Variants in MAST4 observed in about 807,000 individuals in gnomAD.
The protein encoded by MAST4 is microtubule associated serine/threonine kinase family member 4, also known as microtubule-associated serine/threonine-protein kinase 4.
Under a neutral mutation model 162.7 loss-of-function variants are expected in MAST4, and 89 were observed. That is an observed-to-expected ratio of 0.55 (90% CI 0.46 to 0.65). The LOEUF is 0.65. Among genes scored for constraint, MAST4 ranks in the 30% least tolerant of loss-of-function variants. The pLI is 0.00. For missense variants in MAST4, 3,153 were observed against 3,374.0 expected, an observed-to-expected ratio of 0.93 and a Z score of 1.62; for synonymous variants, 1,479 against 1,361.1, an observed-to-expected ratio of 1.09 and a Z score of -1.91.
chr5:67,025,251 T>A (rs912586938), intron 4 of MAST4, among the ~76,000 whole-genome samples: 2 of 152,150 alleles, frequency 1.3e-5, no homozygotes, highest in Non-Finnish European at 2.9e-5. Context: ...GGTTCTTTAT[T>A]AGCACATCAG....
Position 67,145,287 on chromosome 5 carries a change from C to T in MAST4, c.3002C>T (p.Pro1001Leu), listed in dbSNP as rs199663410. 3.8e-4 allele frequency: 613 copies of T among 1,613,880 alleles called. 12 individuals carry two copies. The East Asian group carries it at 0.013, about 35-fold the overall frequency. The stretch of plus-strand genomic sequence containing the variant: ...TGCCCTGGAGACCCCCATGAGGAGC[C>T]AGGAAAGCCAGCCCTTCCTCCTGAA... ...ASCPGDPHEE[P>L]GKPALPPEEC... is the part of the protein sequence containing the mutation. Residue 1001 changes from proline to leucine, a missense_variant, in exon 23 of 29, where the codon CCA (proline) becomes CTA (leucine). Physicochemically the swap from Pro to Leu is moderately conservative, Grantham distance 98. Transcript: ENST00000403625.
chr5:66,765,720 A>G (rs1754064305), intron 2 of MAST4, among the ~76,000 whole-genome samples: 1 of 152,226 alleles, frequency 6.6e-6, no homozygotes. Context: ...ACAGAACAGT[A>G]TAATGAAAAA....
At chr5:67,025,846 G>A (rs965461549) in intron 4 of MAST4, among the ~76,000 whole-genome samples, 2 of 152,264 alleles carry the variant, frequency 1.3e-5, no homozygotes, top group Admixed American at 6.5e-5. Context: ...CCGGACATGT[G>A]GAAATGTGAC....
chr5:67,007,939 C>G (rs573346993), intron 4 of MAST4, among the ~76,000 whole-genome samples: 1 of 152,208 alleles, frequency 6.6e-6, no homozygotes, highest in Non-Finnish European at 1.5e-5. Context: ...TACTGATGAA[C>G]TGAAAGACTC....
chr5:66,597,498 G>A (rs1218523357), intron 1 of MAST4, among the ~76,000 whole-genome samples: 1 of 151,782 alleles, frequency 6.6e-6, no homozygotes, highest in Non-Finnish European at 1.5e-5. Flanking sequence ...GCCTGCGGAG[G>A]TTTCAGTGGC....
At chr5:67,075,338 A>T (rs1453765103) in intron 5 of MAST4, among the ~76,000 whole-genome samples, 1 of 151,658 alleles carries the variant, frequency 6.6e-6, no homozygotes, top group Admixed American at 6.6e-5. Flanking sequence ...ATGCCTGGCT[A>T]ACTTTTTGTA....
chr5:66,835,120 T>G (rs562657148), intron 3 of MAST4, among the ~76,000 whole-genome samples: 16 of 152,212 alleles, frequency 1.1e-4, no homozygotes, highest in Non-Finnish European at 1.5e-5. Flanking sequence ...TTTTATTGAG[T>G]GTTGCTAAAA....
intron 1 of MAST4, among the ~76,000 whole-genome samples, chr5:66,754,068 A>G (rs546267355): frequency 6.6e-6 from 1 of 152,200 alleles, no homozygotes; most frequent in South Asian, 2.1e-4. Flanking sequence ...TTATATCAAT[A>G]GATGCAGAAA....
Position 66,788,594 on chromosome 5 carries a change from C to T in MAST4, c.518-76C>T. Reference sequence around the variant, plus strand: ...ACAAGGTTGGCCAGGAAGAGACACCCCACCCCCACCCCCATTGCAATAAGA... The same window carrying T: ...ACAAGGTTGGCCAGGAAGAGACACCTCACCCCCACCCCCATTGCAATAAGA... On this transcript the variant is annotated intron_variant, in intron 2 of 28. Coordinates refer to ENST00000403625, the MANE Select transcript of MAST4 (RefSeq NM_001164664.2). The T allele has an allele frequency of 5.2e-6, 5 of 963,612 alleles. 1 individual carries two copies. Among genetic ancestry groups the T allele is most frequent in the Non-Finnish European group, 4.6e-6 (3 of 654,388 alleles). The allele number at this position is 963,612 out of a possible 1,614,324, so 59.7% of individuals were successfully genotyped here.
At chr5:66,643,810 C>T (rs1302580232) in intron 1 of MAST4, among the ~76,000 whole-genome samples, 1 of 151,092 alleles carries the variant, frequency 6.6e-6, no homozygotes, top group Non-Finnish European at 1.5e-5. Flanking sequence ...CATTTGCATT[C>T]CTAAATTGTT....
intron 4 of MAST4, among the ~76,000 whole-genome samples, chr5:66,938,858 A>G (rs977660569): frequency 1.3e-5 from 2 of 152,220 alleles, no homozygotes; most frequent in Non-Finnish European, 2.9e-5. Flanking sequence ...GGTTGGGGAA[A>G]TTAGTAACAA....
chr5:67,115,022 G>T (rs549365413), intron 12 of MAST4: 132 of 147,788 alleles, frequency 8.9e-4, no homozygotes, highest in African/African-American at 3.3e-3. Flanking sequence ...CTCCAGCCTG[G>T]GCGACAGAGT....
intron 1 of MAST4, among the ~76,000 whole-genome samples, chr5:66,682,278 A>C (rs1198207822): frequency 1.3e-5 from 2 of 152,206 alleles, no homozygotes; most frequent in Non-Finnish European, 2.9e-5. Context: ...AGAGGCACTG[A>C]GGTTAATATC....
At chr5:66,660,179 A>G (rs1035449574) in intron 1 of MAST4, among the ~76,000 whole-genome samples, 3 of 152,212 alleles carry the variant, frequency 2.0e-5, no homozygotes, top group Non-Finnish European at 4.4e-5. Flanking sequence ...ACCTGAGGTC[A>G]GGAGTTCGAG....
chr5:66,726,295 A>G (rs1580303583), intron 1 of MAST4, among the ~76,000 whole-genome samples: 2 of 152,134 alleles, frequency 1.3e-5, no homozygotes, highest in East Asian at 3.9e-4. Flanking sequence ...GAGCAGAGAG[A>G]TGTAGAAATA....
At chr5:66,627,838 A>G (rs981453533) in intron 1 of MAST4, among the ~76,000 whole-genome samples, 3 of 152,028 alleles carry the variant, frequency 2.0e-5, no homozygotes, top group Non-Finnish European at 2.9e-5. Context: ...CTCCAGTTTC[A>G]TTGGGTTCAC....
chr5:67,112,602 A>G (rs1481116651), intron 11 of MAST4, among the ~76,000 whole-genome samples: 2 of 152,316 alleles, frequency 1.3e-5, no homozygotes, highest in South Asian at 2.1e-4. Context: ...GAAGTTTACC[A>G]GTTTATTATG....
intron 4 of MAST4, among the ~76,000 whole-genome samples, chr5:66,985,069 G>A (rs958269201): frequency 6.6e-6 from 1 of 152,144 alleles, no homozygotes; most frequent in Non-Finnish European, 1.5e-5. Flanking sequence ...GTGAGAAGTA[G>A]CTTCAGGACA....
chr5:67,116,031 A>G (rs567521877), intron 12 of MAST4, among the ~76,000 whole-genome samples: 2 of 152,314 alleles, frequency 1.3e-5, no homozygotes, highest in South Asian at 4.1e-4. Flanking sequence ...TGTAGGCTGA[A>G]CTTTGGTAGG....
Sources: allele counts gnomAD v4.1 joint callset (sites outside exome capture counted in the v4.1 genomes callset), GRCh38; gene constraint gnomAD v4.1.1; transcripts MANE v1.5; gene names NCBI Gene and HGNC (gene_info 2026-07-23, HGNC 2026-07-21).